RARS2: variants seen among roughly 807,000 people sequenced by gnomAD.
The protein encoded by RARS2 is arginyl-tRNA synthetase 2, mitochondrial.
Under a neutral mutation model 88.5 loss-of-function variants are expected in RARS2, and 67 were observed. That is an observed-to-expected ratio of 0.76 (90% CI 0.62 to 0.93). The LOEUF (loss-of-function observed/expected upper bound fraction) is 0.93. RARS2 is among the 40% of genes least tolerant of loss of function. RARS2 has a pLI of 0.00. For synonymous variants in RARS2, 239 were observed against 230.3 expected, an observed-to-expected ratio of 1.04 and a Z score of -0.34; for missense variants, 664 against 684.2, an observed-to-expected ratio of 0.97 and a Z score of 0.33.
chr6:87,564,656 C>A, intron 2 of RARS2: 4 of 262,280 alleles, frequency 1.5e-5, no homozygotes, highest in East Asian at 1.3e-4. Context: ...GTGACAAGAG[C>A]GAAACTCTGT....
rs1229274404 is a variant in RARS2, at chr6:87,516,812, G to A, written c.1580C>T (p.Thr527Ile). ...CAGGAAGATTATAAAGTACCTTAAA[G>A]TTAGAAGGTAACTGACGATATGCCT... ...QPRHIVSYLL[T>I]LSHLAAVAHK... Residue 527 changes from threonine (T) to isoleucine (I), a missense_variant, in exon 18 of 20, where the codon ACT becomes ATT. Physicochemically the swap from Thr to Ile is moderately conservative, Grantham distance 89. Coordinates refer to ENST00000369536, the MANE Select transcript of RARS2 (RefSeq NM_020320.5). The A allele has an allele frequency of 2.5e-6, 4 of 1,613,398 alleles. No individual in the cohort carries two copies. The African/African-American group carries it at 4.0e-5, about 16-fold the overall frequency.
Position 87,562,798 on chromosome 6 carries a change from A to C in RARS2, c.214-13T>G. On this transcript the variant is annotated splice_polypyrimidine_tract_variant and intron_variant, in intron 3 of 19. Transcript: ENST00000369536. ...TATCACATCTTAGCTGAAAAGAACA[A>C]ATCACACAAAGTAGGTATGTTATAT... The C allele has an allele frequency of 6.3e-7, 1 of 1,596,916 alleles. No individual in the cohort carries two copies. The highest frequency in any genetic ancestry group is 1.1e-5 in the South Asian group (1 of 90,772).
At chr6:87,535,976 C>T (rs1350418806) in intron 8 of RARS2, among the ~76,000 whole-genome samples, 1 of 152,060 alleles carries the variant, frequency 6.6e-6, no homozygotes, top group Non-Finnish European at 1.5e-5. Context: ...TGAGCCACTG[C>T]ACCTGGCCTA....
rs187125360 is a variant in RARS2, at chr6:87,563,249, G to C, written c.214-464C>G. 1.1e-3 allele frequency among the ~76,000 whole-genome samples: 165 copies of C among 152,260 alleles called. 1 individual carries two copies. Among genetic ancestry groups the C allele is most frequent in the Non-Finnish European group, 1.3e-3 (88 of 68,024 alleles). On this transcript the variant is annotated intron_variant, in intron 3 of 19. Coordinates refer to ENST00000369536, the MANE Select transcript of RARS2 (RefSeq NM_020320.5). ...TATGCCTTCACTTTTTAACCTATTA[G>C]ATGTTCGAAGCCATCTCATGAAAAA...
rs139134669 is a variant in RARS2 at position 87,513,967 on chromosome 6, G to T, written c.*446C>A. ...GATAACTCATTTATTTAAGGATAAA[G>T]ACTGAATAACTTGACAAGTCACATT... On this transcript the variant is annotated 3_prime_UTR_variant, in exon 20 of 20. Transcript: ENST00000369536. 6.0e-3 allele frequency among the ~76,000 whole-genome samples: 912 copies of T among 152,250 alleles called. 9 individuals are homozygous for T. The highest frequency in any genetic ancestry group is 0.028 in the South Asian group (135 of 4,822).
chr6:87,571,680 T>A (rs373601635), intron 1 of RARS2, among the ~76,000 whole-genome samples: 2 of 152,210 alleles, frequency 1.3e-5, no homozygotes, highest in African/African-American at 4.8e-5. Context: ...TTGTGACTGT[T>A]CAGGAGAGCA....
intron 6 of RARS2, among the ~76,000 whole-genome samples, chr6:87,546,953 A>C (rs191327477): frequency 6.6e-6 from 1 of 152,290 alleles, no homozygotes; most frequent in East Asian, 1.9e-4. Flanking sequence ...AAATCCAATT[A>C]AATGTCTGAA....
intron 4 of RARS2, among the ~76,000 whole-genome samples, chr6:87,556,809 A>AAAAAAAT (rs1554204344): frequency 7.6e-6 from 1 of 131,812 alleles, no homozygotes; most frequent in Admixed American, 8.0e-5. Context: ...AAAAAAAAAA[A>AAAAAAAT]TTTTTTTTTT....
chr6:87,515,042 C>T (rs200843502), intron 18 of RARS2, 22 bp from the exon 19 acceptor site: 303 of 1,578,252 alleles, frequency 1.9e-4, no homozygotes, highest in Middle Eastern at 1.7e-4. Flanking sequence ...AGAGAGAAAT[C>T]ACGATAGTAC....
At chr6:87,524,410 G>A (rs972800108) in intron 11 of RARS2, 147 bp downstream of exon 11, 2 of 715,902 alleles carry the variant, frequency 2.8e-6, no homozygotes, top group African/African-American at 1.8e-5. Flanking sequence ...AATACTTTTA[G>A]TTGATTATGA....
At chr6:87,525,826 G>A (rs953213030) in intron 10 of RARS2, among the ~76,000 whole-genome samples, 23 of 152,008 alleles carry the variant, frequency 1.5e-4, no homozygotes, top group African/African-American at 3.4e-4. Context: ...GATTACAGGC[G>A]TGAGCCACCG....
At chr6:87,580,591 C>CAA (rs71018102) in intron 1 of RARS2, among the ~76,000 whole-genome samples, 1,459 of 136,634 alleles carry the variant, frequency 0.011, 23 homozygotes, top group African/African-American at 0.033. Context: ...AACCCTGTCT[C>CAA]AAAAAAAAAA....
At chr6:87,525,910 C>G (rs1048724798) in intron 10 of RARS2, among the ~76,000 whole-genome samples, 8 of 151,896 alleles carry the variant, frequency 5.3e-5, no homozygotes, top group African/African-American at 1.9e-4. Flanking sequence ...AAAAAAAATC[C>G]CATTTATAAT....
chr6:87,566,849 CAAAAAAA>C (rs36032606), intron 2 of RARS2, among the ~76,000 whole-genome samples: 1 of 60,294 alleles, frequency 1.7e-5, no homozygotes, highest in Non-Finnish European at 3.1e-5. Context: ...GGTCCTGTCT[CAAAAAAA>C]AAAAAAAAAA....
At chr6:87,531,208 A>T (rs1777432149) in intron 8 of RARS2, among the ~76,000 whole-genome samples, 2 of 152,344 alleles carry the variant, frequency 1.3e-5, no homozygotes, top group Middle Eastern at 6.8e-3. Flanking sequence ...ATAGCCAAAA[A>T]TTAATTTGTG....
chr6:87,544,146 A>G (rs1052171738), intron 7 of RARS2, among the ~76,000 whole-genome samples: 2 of 152,264 alleles, frequency 1.3e-5, no homozygotes, highest in African/African-American at 2.4e-5. Flanking sequence ...CCCTAATCAC[A>G]TATTTGCTAA....
At chr6:87,516,932 A>G in intron 17 of RARS2, 52 bp from the exon 18 acceptor site, 1 of 1,605,674 alleles carries the variant, frequency 6.2e-7, no homozygotes, top group Non-Finnish European at 8.5e-7. Flanking sequence ...CATTACACTA[A>G]GACATTAGAC....
intron 10 of RARS2, among the ~76,000 whole-genome samples, chr6:87,525,289 C>G (rs188648634): frequency 6.6e-6 from 1 of 152,214 alleles, no homozygotes; most frequent in Non-Finnish European, 1.5e-5. Context: ...CTCTGTTTAG[C>G]TGACAGGAAG....
intron 17 of RARS2, among the ~76,000 whole-genome samples, chr6:87,517,933 G>A (rs1362971706): frequency 1.3e-5 from 2 of 152,076 alleles, no homozygotes; most frequent in African/African-American, 4.8e-5. Context: ...CTAGACATGT[G>A]CGCTATTCAT....
Sources: allele counts gnomAD v4.1 joint callset (sites outside exome capture counted in the v4.1 genomes callset), GRCh38; gene constraint gnomAD v4.1.1; transcripts MANE v1.5; gene names NCBI Gene and HGNC (gene_info 2026-07-23, HGNC 2026-07-21).